Variants in CNTN5 observed in about 807,000 individuals in gnomAD.
CNTN5 encodes the protein contactin 5.
A neutral mutation model predicts 129.1 loss-of-function variants in CNTN5; 77 were observed. That is an observed-to-expected ratio of 0.60 (90% CI 0.50 to 0.72). The LOEUF (loss-of-function observed/expected upper bound fraction) is 0.72. CNTN5 is among the 30% of genes least tolerant of loss of function. CNTN5 has a pLI of 0.00. For synonymous variants in CNTN5, 509 were observed against 465.6 expected, an observed-to-expected ratio of 1.09 and a Z score of -1.20; for missense variants, 1,478 against 1,328.8, an observed-to-expected ratio of 1.11 and a Z score of -1.75.
chr11:99,388,545 A>C lies in CNTN5; in HGVS notation c.-71+63061A>C, dbSNP rs76993900. On this transcript the variant is annotated intron_variant, in intron 2 of 24. Transcript: ENST00000524871. ...TGGTTTCTAGAATGATATGCAATCA[A>C]TAAATCAACAAATATGAACTGATTT... is the stretch of plus-strand genomic sequence containing the variant. Among the ~76,000 whole-genome samples the C allele has an allele frequency of 4.6e-3, 697 of 152,324 alleles. 1 individual carries two copies. Among genetic ancestry groups the C allele is most frequent in the Non-Finnish European group, 8.1e-3 (550 of 68,028 alleles).
At chr11:99,909,938 G>C (rs1176338522) in intron 6 of CNTN5, among the ~76,000 whole-genome samples, 3 of 151,598 alleles carry the variant, frequency 2.0e-5, no homozygotes, top group African/African-American at 7.2e-5. Flanking sequence ...TTGTGCACAT[G>C]TACCCTAAAA....
chr11:99,976,823 G>A (rs1221274181), intron 8 of CNTN5, among the ~76,000 whole-genome samples: 1 of 152,202 alleles, frequency 6.6e-6, no homozygotes, highest in Non-Finnish European at 1.5e-5. Flanking sequence ...CATTGTCTTG[G>A]CTATTAACAT....
intron 8 of CNTN5, among the ~76,000 whole-genome samples, chr11:99,976,577 C>T (rs1436045013): frequency 2.0e-5 from 3 of 152,172 alleles, no homozygotes; most frequent in African/African-American, 7.2e-5. Flanking sequence ...CTCAATGCCA[C>T]GTGGAAACCA....
intron 13 of CNTN5, among the ~76,000 whole-genome samples, chr11:100,082,025 A>C (rs7949766): frequency 0.11 from 16,524 of 152,210 alleles, 1,987 homozygotes; most frequent in African/African-American, 0.3. Flanking sequence ...CACATTAAGC[A>C]TGACAGTTAA....
chr11:99,697,468 T>C lies in CNTN5; in HGVS notation c.56-122076T>C, dbSNP rs191178625. On this transcript the variant is annotated intron_variant, in intron 3 of 24. Transcript: ENST00000524871. ...AACCCAAAATTCATAAAATTAATTATTAAAACATCAGAAAATTTCAAGATA... is the reference window on the plus strand; with the variant it reads ...AACCCAAAATTCATAAAATTAATTACTAAAACATCAGAAAATTTCAAGATA... 1.2e-3 allele frequency among the ~76,000 whole-genome samples: 182 copies of C among 151,828 alleles called. 2 individuals are homozygous for C. Among genetic ancestry groups the C allele is most frequent in the Non-Finnish European group, 1.0e-3 (69 of 67,782 alleles).
chr11:100,350,269 C>T (rs766871696), intron 23 of CNTN5, among the ~76,000 whole-genome samples: 1 of 151,630 alleles, frequency 6.6e-6, no homozygotes, highest in East Asian at 1.9e-4. Flanking sequence ...ACAGACTCTC[C>T]ATGATCTGCC....
In CNTN5 at chr11:99,782,287, T is replaced by G. The variant is rs1457728486; in HGVS notation, c.56-37257T>G. Among the ~76,000 whole-genome samples, 3 of 146,482 alleles carry G rather than the reference T, an allele frequency of 2.0e-5. No homozygotes were observed. In the East Asian group the frequency reaches 6.0e-4, roughly 29 times the overall value. On this transcript the variant is annotated intron_variant, in intron 3 of 24. Coordinates refer to ENST00000524871, the MANE Select transcript of CNTN5 (RefSeq NM_014361.4). ...ACTTACAAGGGATGTGAAGGACCTCTTCAAGGAGAACTACAAACCACTGCT... is the reference window on the plus strand; with the variant it reads ...ACTTACAAGGGATGTGAAGGACCTCGTCAAGGAGAACTACAAACCACTGCT...
At chr11:99,106,585 A>G (rs1386433942) in intron 1 of CNTN5, among the ~76,000 whole-genome samples, 7 of 152,070 alleles carry the variant, frequency 4.6e-5, no homozygotes, top group Non-Finnish European at 7.4e-5. Flanking sequence ...TATTTGCTTT[A>G]TGATATAGAC....
chr11:99,665,092 G>C (rs973350571), intron 3 of CNTN5, among the ~76,000 whole-genome samples: 2 of 152,034 alleles, frequency 1.3e-5, no homozygotes, highest in African/African-American at 4.8e-5. Context: ...GCTATAAGAA[G>C]GATTTCATTT....
chr11:99,076,911 C>G (rs1054978961), intron 1 of CNTN5, among the ~76,000 whole-genome samples: 2 of 152,070 alleles, frequency 1.3e-5, no homozygotes, highest in African/African-American at 4.8e-5. Context: ...CATTTCTTTT[C>G]CTTTTCATGA....
chr11:99,154,408 A>G (rs928377579), intron 1 of CNTN5, among the ~76,000 whole-genome samples: 2 of 152,124 alleles, frequency 1.3e-5, no homozygotes, highest in South Asian at 4.1e-4. Flanking sequence ...GGCTGATGGC[A>G]TCTGTGTGCC....
At chr11:99,664,182 T>C (rs1223568852) in intron 3 of CNTN5, among the ~76,000 whole-genome samples, 1 of 152,164 alleles carries the variant, frequency 6.6e-6, no homozygotes, top group African/African-American at 2.4e-5. Flanking sequence ...ACATGCTTTG[T>C]ACAAATGGCT....
chr11:99,602,982 A>T (rs1483512951), intron 3 of CNTN5, among the ~76,000 whole-genome samples: 1 of 83,504 alleles, frequency 1.2e-5, no homozygotes, highest in East Asian at 3.4e-4. Context: ...AGTAGATAAA[A>T]CCACAAAGAT....
At chr11:99,862,201 T>G (rs984926050) in intron 6 of CNTN5, among the ~76,000 whole-genome samples, 1 of 152,180 alleles carries the variant, frequency 6.6e-6, no homozygotes, top group African/African-American at 2.4e-5. Context: ...CTTCCTTTCA[T>G]GTTGCTAAAT....
intron 7 of CNTN5, among the ~76,000 whole-genome samples, chr11:99,934,658 G>T (rs921511396): frequency 2.0e-5 from 3 of 151,908 alleles, no homozygotes; most frequent in Non-Finnish European, 2.9e-5. Context: ...GCCATGGTGG[G>T]TGGATCCCCT....
At chr11:99,792,875 C>T (rs1005806832) in intron 3 of CNTN5, among the ~76,000 whole-genome samples, 2 of 151,960 alleles carry the variant, frequency 1.3e-5, no homozygotes, top group African/African-American at 4.8e-5. Context: ...TTTCCAGGAA[C>T]TTATCTGTTT....
intron 2 of CNTN5, among the ~76,000 whole-genome samples, chr11:99,408,500 A>AAGAAAGAAAGAAAGAAAG (rs1217703370): frequency 6.8e-6 from 1 of 146,272 alleles, no homozygotes; most frequent in Non-Finnish European, 1.5e-5. Context: ...GAAAGAAAGA[A>AAGAAAGAAAGAAAGAAAG]AGAAAGTTAG....
At chr11:99,160,981 C>A (rs548629245) in intron 1 of CNTN5, among the ~76,000 whole-genome samples, 1 of 152,182 alleles carries the variant, frequency 6.6e-6, no homozygotes, top group East Asian at 1.9e-4. Flanking sequence ...TTACCAGGTA[C>A]AAATCTATAT....
intron 10 of CNTN5, among the ~76,000 whole-genome samples, chr11:100,066,972 G>A (rs1210212457): frequency 6.6e-6 from 1 of 151,910 alleles, no homozygotes; most frequent in Non-Finnish European, 1.5e-5. Flanking sequence ...ATTATTTCAG[G>A]CCTTAATTCA....
Sources: gnomAD v4.1 joint callset for allele counts (sites outside exome capture counted in the v4.1 genomes callset) on GRCh38, gnomAD v4.1.1 for gene constraint, MANE v1.5 for transcripts, NCBI Gene and HGNC (gene_info 2026-07-23, HGNC 2026-07-21) for gene names.